FAM107B: variants seen among roughly 807,000 people sequenced by gnomAD.
The protein encoded by FAM107B is family with sequence similarity 107 member B.
FAM107B carries 21 observed loss-of-function variants against 31.5 expected under a neutral mutation model. The ratio of observed to expected loss-of-function variants is 0.67; its 90% CI spans 0.47 to 0.96. FAM107B has a LOEUF of 0.96. FAM107B is among the 40% of genes least tolerant of loss of function. The pLI, the probability that FAM107B is intolerant of heterozygous loss-of-function variation, is 0.00. For missense variants in FAM107B, 452 were observed against 377.1 expected, an observed-to-expected ratio of 1.20 and a Z score of -1.64; for synonymous variants, 157 against 141.5, an observed-to-expected ratio of 1.11 and a Z score of -0.78.
At chr10:14,600,276 A>G (rs1043802639) in intron 2 of FAM107B, among the ~76,000 whole-genome samples, 28 of 152,218 alleles carry the variant, frequency 1.8e-4, no homozygotes, top group African/African-American at 6.8e-4. Flanking sequence ...GTTTACCTTC[A>G]GCAAGGACAC....
intron 1 of FAM107B, among the ~76,000 whole-genome samples, chr10:14,726,233 T>A (rs1307904833): frequency 6.6e-6 from 1 of 152,200 alleles, no homozygotes; most frequent in Non-Finnish European, 1.5e-5. Context: ...CCTCAAGTGA[T>A]CTGCCTGCCT....
At chr10:14,729,262 G>A (rs973578610) in intron 1 of FAM107B, among the ~76,000 whole-genome samples, 3 of 151,990 alleles carry the variant, frequency 2.0e-5, no homozygotes, top group South Asian at 2.1e-4. Flanking sequence ...ACCTCCCAAA[G>A]CACTGGGATT....
chr10:14,571,319 T>C (rs992326028), intron 2 of FAM107B, among the ~76,000 whole-genome samples: 2 of 152,116 alleles, frequency 1.3e-5, no homozygotes, highest in Non-Finnish European at 2.9e-5. Context: ...TACTTCAAAA[T>C]ATATTATCAG....
chr10:14,712,559 A>G (rs1230194747), intron 1 of FAM107B, among the ~76,000 whole-genome samples: 1 of 150,858 alleles, frequency 6.6e-6, no homozygotes, highest in Non-Finnish European at 1.5e-5. Flanking sequence ...GCGTCACTGC[A>G]CTCCAGCCTG....
intron 2 of FAM107B, among the ~76,000 whole-genome samples, chr10:14,564,506 TA>T (rs767006571): frequency 0.026 from 3,564 of 138,140 alleles, 99 homozygotes; most frequent in African/African-American, 0.074. Flanking sequence ...CTTATTTGTT[TA>T]AAAAAAAAAA....
chr10:14,584,738 T>C (rs997055987), intron 2 of FAM107B, among the ~76,000 whole-genome samples: 1 of 152,136 alleles, frequency 6.6e-6, no homozygotes, highest in African/African-American at 2.4e-5. Context: ...TAACCCCAAC[T>C]TTCCACACCT....
intron 2 of FAM107B, among the ~76,000 whole-genome samples, chr10:14,574,147 C>A (rs1851392130): frequency 6.6e-6 from 1 of 152,132 alleles, no homozygotes; most frequent in African/African-American, 2.4e-5. Flanking sequence ...ATGCATGCCA[C>A]CCTGAGAAAA....
At chr10:14,712,015 G>A (rs1855660888) in intron 1 of FAM107B, among the ~76,000 whole-genome samples, 1 of 152,224 alleles carries the variant, frequency 6.6e-6, no homozygotes. Flanking sequence ...GGGTTTCCCT[G>A]TAGTAGTCTA....
chr10:14,632,395 A>G (rs937866105), intron 2 of FAM107B, among the ~76,000 whole-genome samples: 3 of 150,244 alleles, frequency 2.0e-5, no homozygotes, highest in Non-Finnish European at 4.4e-5. Flanking sequence ...GCAGATCATG[A>G]GGTCAGGAGA....
At chr10:14,738,669 C>G (rs1402898954) in intron 1 of FAM107B, among the ~76,000 whole-genome samples, 1 of 152,096 alleles carries the variant, frequency 6.6e-6, no homozygotes, top group Non-Finnish European at 1.5e-5. Context: ...CTGTAGGCCT[C>G]GGGAAGGTAA....
chr10:14,759,545 A>G (rs189944056), intron 1 of FAM107B, among the ~76,000 whole-genome samples: 337 of 152,276 alleles, frequency 2.2e-3, no homozygotes, highest in Non-Finnish European at 4.1e-3. Flanking sequence ...TAGACTATGA[A>G]GAACTTGAGG....
chr10:14,619,082 C>T (rs1852927781), intron 2 of FAM107B, among the ~76,000 whole-genome samples: 1 of 152,132 alleles, frequency 6.6e-6, no homozygotes, highest in Non-Finnish European at 1.5e-5. Context: ...TCTCCTATAA[C>T]CTTCAGAGGG....
intron 1 of FAM107B, among the ~76,000 whole-genome samples, chr10:14,729,855 G>A (rs1253234724): frequency 6.6e-6 from 1 of 152,132 alleles, no homozygotes; most frequent in East Asian, 1.9e-4. Flanking sequence ...ATACTACGCA[G>A]CCATAAAAAA....
intron 2 of FAM107B, among the ~76,000 whole-genome samples, chr10:14,622,895 A>G (rs1429241653): frequency 6.6e-6 from 1 of 152,216 alleles, no homozygotes; most frequent in African/African-American, 2.4e-5. Context: ...TCTTTCCTGT[A>G]GAAATCACCA....
chr10:14,643,627 C>T (rs944338667), intron 2 of FAM107B, among the ~76,000 whole-genome samples: 1 of 152,120 alleles, frequency 6.6e-6, no homozygotes, highest in Non-Finnish European at 1.5e-5. Context: ...CCAGGCTGGT[C>T]TTGAACTCCT....
intron 1 of FAM107B, among the ~76,000 whole-genome samples, chr10:14,684,671 A>G (rs7077412): frequency 0.44 from 67,029 of 151,838 alleles, 15,592 homozygotes; most frequent in East Asian, 0.64. Flanking sequence ...GTGATAGAAT[A>G]AGGGTTTTGT....
chr10:14,726,430 C>T (rs1189945633), intron 1 of FAM107B, among the ~76,000 whole-genome samples: 1 of 152,178 alleles, frequency 6.6e-6, no homozygotes, highest in African/African-American at 2.4e-5. Flanking sequence ...GACAGGATGT[C>T]TGCACCAGGC....
intron 1 of FAM107B, among the ~76,000 whole-genome samples, chr10:14,695,478 T>C (rs12265987): frequency 0.016 from 2,362 of 152,276 alleles, 66 homozygotes; most frequent in African/African-American, 0.055. Context: ...TTGGGTTCAT[T>C]TGTGTTTCCA....
At chr10:14,671,638 T>C (rs533095055) in intron 1 of FAM107B, among the ~76,000 whole-genome samples, 5 of 152,148 alleles carry the variant, frequency 3.3e-5, no homozygotes, top group East Asian at 1.9e-4. Flanking sequence ...ATGACTCCTG[T>C]TCTTATTATC....
Sources: allele counts gnomAD v4.1 joint callset (sites outside exome capture counted in the v4.1 genomes callset), GRCh38; gene constraint gnomAD v4.1.1; transcripts MANE v1.5; gene names NCBI Gene and HGNC (gene_info 2026-07-23, HGNC 2026-07-21).